Variants in TIPIN observed in about 807,000 individuals in gnomAD.
TIPIN encodes the protein TIMELESS interacting protein.
TIPIN carries 29 observed loss-of-function variants against 35.6 expected under a neutral mutation model. The ratio of observed to expected loss-of-function variants is 0.82; its 90% confidence interval spans 0.61 to 1.11. TIPIN has a LOEUF of 1.11. Ranked by LOEUF, TIPIN falls within the 50% of genes most tolerant of loss-of-function variation. The probability of loss-of-function intolerance (pLI) is 0.00; values close to 1 mark genes in which losing one functional copy is unlikely to be tolerated. For synonymous variants in TIPIN, 102 were observed against 121.5 expected (o/e 0.84, Z 1.06); for missense variants, 296 against 345.4 (o/e 0.86, Z 1.13).
At chr15:66,350,248 C>G (rs562681697) in intron 4 of TIPIN, among the ~76,000 whole-genome samples, 36 of 152,004 alleles carry the variant, frequency 2.4e-4, no homozygotes, top group African/African-American at 8.2e-4. Flanking sequence ...ACAGCATGAG[C>G]CATAGCACCC....
Position 66,336,932 on chromosome 15 carries a change from CAG to C in TIPIN, c.*24_*25del, listed in dbSNP as rs1566968602. ...CCAAGCTTGCAGGACGATGACTTAA[CAG>C]ATACATTTTCTCTTAATGGAAACTT... On this transcript the variant is annotated 3_prime_UTR_variant, in exon 8 of 8. Coordinates refer to ENST00000261881, the MANE Select transcript of TIPIN (RefSeq NM_017858.3). 1.9e-6 allele frequency: 3 copies of C among 1,593,650 alleles called. No homozygotes were observed. In the Admixed American group the frequency reaches 5.0e-5, roughly 27 times the overall value.
chr15:66,356,208 T>C (rs1318404425), intron 1 of TIPIN, among the ~76,000 whole-genome samples: 1 of 152,126 alleles, frequency 6.6e-6, no homozygotes, highest in East Asian at 1.9e-4. Context: ...GCTGCCTCGA[T>C]GTCCCCCTTG....
At chr15:66,366,597 C>CAAAAAAAAA (rs757848258) in intron 1 of TIPIN, among the ~76,000 whole-genome samples, 2 of 92,224 alleles carry the variant, frequency 2.2e-5, no homozygotes, top group Non-Finnish European at 2.0e-5. Flanking sequence ...ACTAAATATA[C>CAAAAAAAAA]AAAAAAAAAA....
chr15:66,379,901 G>T, intron 1 of TIPIN: 2 of 1,546,670 alleles, frequency 1.3e-6, no homozygotes, highest in South Asian at 2.2e-5. Flanking sequence ...TCTGATTAAT[G>T]AGAATGGTCT....
intron 1 of TIPIN, among the ~76,000 whole-genome samples, chr15:66,380,159 G>C (rs958991919): frequency 6.6e-6 from 1 of 151,838 alleles, no homozygotes; most frequent in Non-Finnish European, 1.5e-5. Context: ...CCACCACTGC[G>C]CCCGGCTAAT....
At chr15:66,372,644 G>A (rs1017219901) in intron 1 of TIPIN, among the ~76,000 whole-genome samples, 42 of 152,200 alleles carry the variant, frequency 2.8e-4, no homozygotes, top group African/African-American at 8.0e-4. Flanking sequence ...TGTGGCTCAC[G>A]CCTGTAATCC....
chr15:66,339,616 C>G (rs545635945), intron 7 of TIPIN, among the ~76,000 whole-genome samples: 89 of 152,132 alleles, frequency 5.9e-4, no homozygotes, highest in Middle Eastern at 3.4e-3. Context: ...ACCTGCAATC[C>G]CAGCACTTTG....
chr15:66,375,413 G>A (rs1419730300), intron 1 of TIPIN, among the ~76,000 whole-genome samples: 1 of 151,080 alleles, frequency 6.6e-6, no homozygotes, highest in Admixed American at 6.6e-5. Context: ...GAGCTCAAGC[G>A]ATCTGCCCAC....
At chr15:66,337,261 C>T in intron 7 of TIPIN, 80 bp from the exon 8 acceptor site, 1 of 1,094,046 alleles carries the variant, frequency 9.1e-7, no homozygotes, top group East Asian at 2.4e-5. Flanking sequence ...TCTTCAAAAG[C>T]TCAGTTTAGT....
At chr15:66,355,162 T>C (rs2093195307) in intron 1 of TIPIN, among the ~76,000 whole-genome samples, 1 of 149,584 alleles carries the variant, frequency 6.7e-6, no homozygotes, top group Admixed American at 6.8e-5. Context: ...GCCTCCCGAA[T>C]AGCTGGGACT....
chr15:66,340,556 G>A (rs1317994298), intron 7 of TIPIN, among the ~76,000 whole-genome samples: 1 of 151,916 alleles, frequency 6.6e-6, no homozygotes, highest in Non-Finnish European at 1.5e-5. Flanking sequence ...AGTCAGGGAA[G>A]AATGTTTATT....
chr15:66,383,548 G>A, intron 1 of TIPIN: 7 of 981,304 alleles, frequency 7.1e-6, no homozygotes, highest in Non-Finnish European at 7.3e-6. Flanking sequence ...AAAGGTGTGA[G>A]CCACCACCAC....
chr15:66,361,107 C>T (rs1050656427), upstream of TIPIN, among the ~76,000 whole-genome samples: 9 of 149,336 alleles, frequency 6.0e-5, no homozygotes, highest in African/African-American at 1.2e-4. Flanking sequence ...CATTTCAGCC[C>T]GGGCAACAGA....
At chr15:66,357,949 C>CT (rs1012415706), upstream of TIPIN, among the ~76,000 whole-genome samples, 4 of 151,088 alleles carry the variant, frequency 2.6e-5, no homozygotes, top group African/African-American at 9.7e-5. Flanking sequence ...GAGCAAGACT[C>CT]TGTCTCAAAA....
Position 66,342,259 on chromosome 15 carries a change from C to T in TIPIN, c.476-903G>A, listed in dbSNP as rs144421101. On this transcript the variant is annotated intron_variant, in intron 6 of 7. Coordinates refer to ENST00000261881, the MANE Select transcript of TIPIN (RefSeq NM_017858.3). ...TAATTAGAAATATTTTATGCTTGGC[C>T]TAATCAAAGAGCTTAAGGAATCCAA... 3.2e-4 allele frequency among the ~76,000 whole-genome samples: 48 copies of T among 151,736 alleles called. No individual in the cohort carries two copies. The East Asian group carries it at 8.3e-3, about 26-fold the overall frequency.
At chr15:66,384,115 G>C (rs1239439392) in intron 1 of TIPIN, among the ~76,000 whole-genome samples, 2 of 151,438 alleles carry the variant, frequency 1.3e-5, no homozygotes, top group East Asian at 3.9e-4. Context: ...TCCTGCCTCA[G>C]CCTCCTGAGT....
At chr15:66,374,950 T>G (rs1380505804) in intron 1 of TIPIN, among the ~76,000 whole-genome samples, 1 of 152,186 alleles carries the variant, frequency 6.6e-6, no homozygotes, top group Non-Finnish European at 1.5e-5. Context: ...CCTCAAGTGA[T>G]CTGCCCTTCT....
At chr15:66,366,383 G>A (rs934734370) in intron 1 of TIPIN, among the ~76,000 whole-genome samples, 1 of 151,892 alleles carries the variant, frequency 6.6e-6, no homozygotes, top group African/African-American at 2.4e-5. Context: ...GAATCTGGGA[G>A]GCAGAGGTTG....
chr15:66,384,232 C>T (rs866423544), intron 1 of TIPIN, among the ~76,000 whole-genome samples: 4 of 151,510 alleles, frequency 2.6e-5, no homozygotes, highest in South Asian at 4.2e-4. Flanking sequence ...TTCCTGACCT[C>T]GTGATCTGCC....
Sources: allele counts gnomAD v4.1 joint callset (sites outside exome capture counted in the v4.1 genomes callset), GRCh38; gene constraint gnomAD v4.1.1; transcripts MANE v1.5; gene names NCBI Gene and HGNC (gene_info 2026-07-23, HGNC 2026-07-21).